RTN4: variants seen among roughly 807,000 people sequenced by gnomAD.
The protein encoded by RTN4 is reticulon 4.
RTN4 carries 32 observed loss-of-function variants against 90.4 expected under a neutral mutation model. The ratio of observed to expected loss-of-function variants is 0.35; its 90% CI spans 0.27 to 0.48. RTN4 has a LOEUF of 0.48. Among genes scored for constraint, RTN4 ranks in the 20% least tolerant of loss-of-function variants. RTN4 has a pLI of 0.99. For missense variants in RTN4, 1,706 were observed against 1,430.2 expected, an observed-to-expected ratio of 1.19 and a Z score of -3.11; for synonymous variants, 629 against 552.5, an observed-to-expected ratio of 1.14 and a Z score of -1.94.
intron 3 of RTN4, among the ~76,000 whole-genome samples, chr2:54,988,328 T>C (rs535936254): frequency 3.9e-5 from 6 of 152,056 alleles, no homozygotes; most frequent in Non-Finnish European, 5.9e-5. Flanking sequence ...AAAAAAATCA[T>C]CTTGGGGTTT....
chr2:55,055,687 G>A (rs1272639539), upstream of RTN4, among the ~76,000 whole-genome samples: 2 of 151,436 alleles, frequency 1.3e-5, no homozygotes, highest in African/African-American at 2.4e-5. Flanking sequence ...GGAGAATGGC[G>A]TGAACCTGGG....
Position 55,066,025 on chromosome 2 carries a change from T to A in RTN4, c.-63+14464A>T, listed in dbSNP as rs1668383657. On this transcript the variant is annotated intron_variant, in intron 2 of 3. Transcript: ENST00000427710. Reference sequence around the variant, plus strand: ...TCATGCTTCAATAATTTCTTTTAAATTCAATAGTAAATTATGGTACATTCT... The same window carrying A: ...TCATGCTTCAATAATTTCTTTTAAAATCAATAGTAAATTATGGTACATTCT... Among the ~76,000 whole-genome samples, 4 of 152,356 alleles carry A rather than the reference T, an allele frequency of 2.6e-5. 1 individual carries two copies. In the South Asian group the frequency reaches 8.3e-4, roughly 32 times the overall value.
chr2:55,117,210 C>A (rs1344697327), upstream of RTN4, among the ~76,000 whole-genome samples: 1 of 152,120 alleles, frequency 6.6e-6, no homozygotes, highest in Non-Finnish European at 1.5e-5. Flanking sequence ...CAGAAAACTT[C>A]AATGAAAAAA....
upstream of RTN4, among the ~76,000 whole-genome samples, chr2:55,055,028 T>C (rs1668164522): frequency 6.6e-6 from 1 of 152,078 alleles, no homozygotes; most frequent in Non-Finnish European, 1.5e-5. Context: ...GGATCTAAAA[T>C]AAAAATGTTA....
intron 3 of RTN4, among the ~76,000 whole-genome samples, chr2:55,019,560 T>C (rs1422872918): frequency 6.6e-6 from 1 of 152,132 alleles, no homozygotes; most frequent in Non-Finnish European, 1.5e-5. Flanking sequence ...CTATACAGTA[T>C]CATAAATGAA....
At chr2:55,022,733 G>A (rs1681531016) in intron 3 of RTN4, among the ~76,000 whole-genome samples, 1 of 152,040 alleles carries the variant, frequency 6.6e-6, no homozygotes, top group South Asian at 2.1e-4. Context: ...TGACTTCAAT[G>A]TTAGGTAGAA....
intron 5 of RTN4, among the ~76,000 whole-genome samples, chr2:54,978,094 T>G (rs1012870216): frequency 1.3e-5 from 2 of 152,228 alleles, no homozygotes; most frequent in Non-Finnish European, 2.9e-5. Flanking sequence ...AGAGCGGCTC[T>G]AAAATTTCAA....
At chr2:55,000,686 G>C (rs1679793645) in intron 3 of RTN4, among the ~76,000 whole-genome samples, 1 of 151,994 alleles carries the variant, frequency 6.6e-6, no homozygotes, top group Non-Finnish European at 1.5e-5. Flanking sequence ...AATTGTGTAG[G>C]GTTACAAACT....
intron 1 of RTN4, among the ~76,000 whole-genome samples, chr2:55,108,254 C>T (rs922691328): frequency 6.6e-6 from 1 of 152,044 alleles, no homozygotes; most frequent in African/African-American, 2.4e-5. Flanking sequence ...CCCACCCAGC[C>T]CAGTTCTTTA....
Position 55,074,542 on chromosome 2 carries a change from T to C in RTN4, c.-63+5947A>G, listed in dbSNP as rs1398945802. 3.2e-5 allele frequency among the ~76,000 whole-genome samples: 4 copies of C among 126,786 alleles called. No homozygotes were observed. In the East Asian group the frequency reaches 8.9e-4, roughly 28 times the overall value. 83.2% of individuals were successfully genotyped at this position (126,786 alleles called of 152,430 possible). On this transcript the variant is annotated intron_variant, in intron 2 of 3. Coordinates refer to the RTN4 transcript ENST00000427710. ...CAAAAAAAAAAAAAAAAAAAGAAAATATGGAGAAAGAGGGAATCCTCCCTA... is the reference window on the plus strand; with the variant it reads ...CAAAAAAAAAAAAAAAAAAAGAAAACATGGAGAAAGAGGGAATCCTCCCTA...
the RTN4 span, among the ~76,000 whole-genome samples, chr2:55,136,278 C>G: frequency 1.9e-4 from 29 of 152,188 alleles, no homozygotes; most frequent in African/African-American, 6.0e-4. Flanking sequence ...TGAGCATGTG[C>G]AAAACTTCAA....
rs201598949 is a variant in RTN4, at chr2:55,050,029, C to T, written c.272G>A (p.Arg91Gln). Reference sequence around the variant, plus strand: ...GGGGGGAGCGGCCGGCAGGGGTCCCCGGGGCGCCGGCGGCACGAAGTCATT... The same window carrying T: ...GGGGGGAGCGGCCGGCAGGGGTCCCTGGGGCGCCGGCGGCACGAAGTCATT... Reference protein sequence around the residue: ...FGNDFVPPAPRGPLPAAPPVA... With the variant: ...FGNDFVPPAPQGPLPAAPPVA... Residue 91 changes from arginine (R) to glutamine (Q), a missense_variant, in exon 1 of 9, where the codon CGG (arginine) becomes CAG (glutamine). Coordinates refer to ENST00000337526, the MANE Select transcript of RTN4 (RefSeq NM_020532.5). This position sits in a 1 kb window ranked among gnomAD's most constrained non-coding sequence, Gnocchi z 4.6. The T allele has an allele frequency of 7.5e-4, 1,044 of 1,394,012 alleles. No homozygotes were observed. The highest frequency in any genetic ancestry group is 1.1e-3 in the Admixed American group (34 of 29,808). The allele number at this position is 1,394,012 out of a possible 1,614,324, so 86.4% of individuals were successfully genotyped here.
At chr2:55,031,975 C>T (rs541054640) in intron 1 of RTN4, among the ~76,000 whole-genome samples, 19 of 152,232 alleles carry the variant, frequency 1.2e-4, no homozygotes, top group African/African-American at 4.6e-4. Flanking sequence ...AAATCCATGA[C>T]ATGCAGTATA....
At chr2:54,981,532 C>T (rs1216275765) in intron 5 of RTN4, among the ~76,000 whole-genome samples, 1 of 152,162 alleles carries the variant, frequency 6.6e-6, no homozygotes, top group African/African-American at 2.4e-5. Context: ...CAGGAAAGAG[C>T]ATATACAACA....
At chr2:55,083,399 G>A (rs1210214515) in intron 1 of RTN4, among the ~76,000 whole-genome samples, 1 of 152,122 alleles carries the variant, frequency 6.6e-6, no homozygotes. Context: ...GGGCAGCTGA[G>A]GCACGAGGAT....
the RTN4 span, among the ~76,000 whole-genome samples, chr2:55,131,216 G>GT: frequency 0.25 from 36,204 of 145,686 alleles, 5,103 homozygotes; most frequent in East Asian, 0.5. Context: ...TGTTTTTTGG[G>GT]TTTTTTTTTT....
chr2:55,073,397 T>C (rs1331071456), intron 2 of RTN4, among the ~76,000 whole-genome samples: 1 of 152,236 alleles, frequency 6.6e-6, no homozygotes, highest in Non-Finnish European at 1.5e-5. Flanking sequence ...AGCATAGCAT[T>C]TAGTTGTTAC....
intron 2 of RTN4, among the ~76,000 whole-genome samples, chr2:55,074,317 C>T (rs1462244480): frequency 1.3e-5 from 2 of 151,994 alleles, no homozygotes; most frequent in Admixed American, 1.3e-4. Flanking sequence ...GCCTCAGCAA[C>T]ATAGCAAGAC....
At chr2:55,058,771 T>G (rs1395237729) in intron 2 of RTN4, among the ~76,000 whole-genome samples, 1 of 152,250 alleles carries the variant, frequency 6.6e-6, no homozygotes, top group Non-Finnish European at 1.5e-5. Flanking sequence ...AGTCAAGATT[T>G]ATTTCAGTCA....
Sources: allele counts gnomAD v4.1 joint callset (sites outside exome capture counted in the v4.1 genomes callset), GRCh38; gene constraint gnomAD v4.1.1; non-coding constraint Gnocchi (gnomAD v3.1); transcripts MANE v1.5; gene names NCBI Gene and HGNC (gene_info 2026-07-23, HGNC 2026-07-21).